Variants in ARHGAP20 observed in about 807,000 individuals in gnomAD.
ARHGAP20 encodes Rho GTPase activating protein 20, also known as rho GTPase-activating protein 20.
Under a neutral mutation model 73.7 loss-of-function variants are expected in ARHGAP20, and 34 were observed. That is an observed-to-expected ratio of 0.46 (90% CI 0.35 to 0.61). The LOEUF is 0.61. ARHGAP20 is among the 20% of genes least tolerant of loss of function. ARHGAP20 has a pLI of 0.00. For missense variants in ARHGAP20, 1,314 were observed against 1,420.9 expected (o/e 0.92, Z 1.21); for synonymous variants, 523 against 518.2 (o/e 1.01, Z -0.13).
chr11:110,597,524 T>C (rs1250116330), intron 9 of ARHGAP20, among the ~76,000 whole-genome samples: 1 of 152,212 alleles, frequency 6.6e-6, no homozygotes, highest in Non-Finnish European at 1.5e-5. Flanking sequence ...GGTCTCACTA[T>C]GTTTGCCCAG....
chr11:110,670,095 C>T (rs146562673), intron 2 of ARHGAP20, among the ~76,000 whole-genome samples: 4 of 152,104 alleles, frequency 2.6e-5, no homozygotes, highest in Admixed American at 6.6e-5. Context: ...ATTGCAAAGG[C>T]GCACAAGGAA....
chr11:110,692,328 T>C lies in ARHGAP20; in HGVS notation c.106-1699A>G, dbSNP rs764560225. On this transcript the variant is annotated intron_variant, in intron 1 of 14. Transcript: ENST00000683387. ...TAAGAAAAGTGGCAGTTTGTTCATA[T>C]CCATCAAGCTATGTTCCAGATTTTT... is the stretch of plus-strand genomic sequence containing the variant. 3.3e-5 allele frequency among the ~76,000 whole-genome samples: 5 copies of C among 152,158 alleles called. No individual in the cohort carries two copies. In the East Asian group the frequency reaches 9.6e-4, roughly 29 times the overall value.
intron 2 of ARHGAP20, among the ~76,000 whole-genome samples, chr11:110,649,142 T>C (rs944680535): frequency 1.3e-5 from 2 of 151,322 alleles, no homozygotes; most frequent in African/African-American, 4.8e-5. Flanking sequence ...AGATGACTTT[T>C]AAACAGTAAA....
intron 9 of ARHGAP20, among the ~76,000 whole-genome samples, chr11:110,593,358 G>C (rs909956822): frequency 6.6e-5 from 10 of 152,210 alleles, no homozygotes; most frequent in Admixed American, 6.5e-4. Context: ...TCTCTTTAAG[G>C]TTACACTTTT....
chr11:110,664,971 A>T (rs1001482588), intron 2 of ARHGAP20, among the ~76,000 whole-genome samples: 1 of 152,144 alleles, frequency 6.6e-6, no homozygotes, highest in East Asian at 1.9e-4. Context: ...GTGCAATTCC[A>T]ATCAAAATCC....
intron 2 of ARHGAP20, among the ~76,000 whole-genome samples, chr11:110,682,469 G>C (rs376512457): frequency 6.6e-6 from 1 of 152,160 alleles, no homozygotes; most frequent in African/African-American, 2.4e-5. Context: ...TTTGGTTTCA[G>C]AGTCTATGCA....
intron 1 of ARHGAP20, among the ~76,000 whole-genome samples, chr11:110,691,968 T>C (rs77769594): frequency 0.017 from 2,579 of 152,268 alleles, 53 homozygotes; most frequent in African/African-American, 0.046. Flanking sequence ...AGGTTACTTA[T>C]ATAAAAATTT....
chr11:110,629,181 G>A (rs1948809815), intron 3 of ARHGAP20, among the ~76,000 whole-genome samples: 1 of 152,094 alleles, frequency 6.6e-6, no homozygotes, highest in South Asian at 2.1e-4. Context: ...TCCAGGCTGA[G>A]GTATACATCT....
chr11:110,630,803 T>C lies in ARHGAP20; in HGVS notation c.189-11A>G, dbSNP rs202243687. ...GCAGAAGGACTGTCCCTGTAACAGATCAAATGCCACAGATCAGTCAAACGA... is the reference window on the plus strand; with the variant it reads ...GCAGAAGGACTGTCCCTGTAACAGACCAAATGCCACAGATCAGTCAAACGA... On this transcript the variant is annotated splice_polypyrimidine_tract_variant and intron_variant, in intron 2 of 14. Coordinates refer to ENST00000683387, the MANE Select transcript of ARHGAP20 (RefSeq NM_001384657.1). 13 of 1,609,878 alleles carry C rather than the reference T, an allele frequency of 8.1e-6. No homozygotes were observed. In the East Asian group the frequency reaches 2.2e-4, roughly 28 times the overall value.
intron 2 of ARHGAP20, among the ~76,000 whole-genome samples, chr11:110,690,190 C>A (rs554153639): frequency 5.9e-5 from 9 of 152,226 alleles, no homozygotes; most frequent in Admixed American, 3.3e-4. Flanking sequence ...CCATGCACAG[C>A]CATCACTTTG....
At chr11:110,618,046 G>C (rs1015647467) in intron 4 of ARHGAP20, among the ~76,000 whole-genome samples, 9 of 152,066 alleles carry the variant, frequency 5.9e-5, no homozygotes, top group Non-Finnish European at 1.3e-4. Flanking sequence ...AGGGAGGCTG[G>C]GTCCTAGGCA....
At chr11:110,586,921 G>A (rs1947683443) in intron 11 of ARHGAP20, among the ~76,000 whole-genome samples, 1 of 134,278 alleles carries the variant, frequency 7.4e-6, no homozygotes, top group South Asian at 2.3e-4. Context: ...CATATATTTG[G>A]AGAGAGAGAG....
chr11:110,671,401 A>T (rs1949825035), intron 2 of ARHGAP20, among the ~76,000 whole-genome samples: 1 of 152,118 alleles, frequency 6.6e-6, no homozygotes, highest in South Asian at 2.1e-4. Context: ...CATCATACTT[A>T]ATGGTGAAAG....
chr11:110,587,854 C>T (rs189087723), intron 11 of ARHGAP20, among the ~76,000 whole-genome samples: 1 of 152,224 alleles, frequency 6.6e-6, no homozygotes, highest in East Asian at 1.9e-4. Context: ...AATGTACCTG[C>T]ATGCTTGTGA....
chr11:110,678,006 T>C (rs1949966687), intron 2 of ARHGAP20, among the ~76,000 whole-genome samples: 1 of 151,900 alleles, frequency 6.6e-6, no homozygotes. Flanking sequence ...ATAAACAAAA[T>C]GTGGTATACC....
At chr11:110,616,107 G>A (rs548474349) in intron 4 of ARHGAP20, among the ~76,000 whole-genome samples, 1 of 151,942 alleles carries the variant, frequency 6.6e-6, no homozygotes, top group African/African-American at 2.4e-5. Flanking sequence ...GCATGTGAAT[G>A]GAAATCTCTT....
intron 2 of ARHGAP20, among the ~76,000 whole-genome samples, chr11:110,634,123 G>A (rs942709765): frequency 1.3e-5 from 2 of 152,152 alleles, no homozygotes; most frequent in Non-Finnish European, 2.9e-5. Flanking sequence ...ATAACAAGCT[G>A]AGGTCTCAAA....
chr11:110,650,751 A>C (rs975747704), intron 2 of ARHGAP20, among the ~76,000 whole-genome samples: 1 of 152,134 alleles, frequency 6.6e-6, no homozygotes, highest in Non-Finnish European at 1.5e-5. Flanking sequence ...AAAAAGTGAG[A>C]AAAAGTTAAA....
chr11:110,703,070 A>G (rs1216930523), intron 1 of ARHGAP20, among the ~76,000 whole-genome samples: 1 of 152,124 alleles, frequency 6.6e-6, no homozygotes, highest in Non-Finnish European at 1.5e-5. Flanking sequence ...ATGCTATCAC[A>G]GCAAGGTTTT....
Sources: gnomAD v4.1 joint callset for allele counts (sites outside exome capture counted in the v4.1 genomes callset) on GRCh38, gnomAD v4.1.1 for gene constraint, MANE v1.5 for transcripts, NCBI Gene and HGNC (gene_info 2026-07-23, HGNC 2026-07-21) for gene names.